Variants in VIPR2 observed in about 807,000 individuals in gnomAD.
VIPR2 encodes the protein vasoactive intestinal peptide receptor 2.
Under a neutral mutation model 58.0 loss-of-function variants are expected in VIPR2, and 48 were observed. That is an observed-to-expected ratio of 0.83 (90% CI 0.66 to 1.05). VIPR2 has a LOEUF of 1.05. Ranked by LOEUF, VIPR2 falls within the 50% of genes least tolerant of loss-of-function variation. The probability of loss-of-function intolerance (pLI) is 0.00; values close to 1 mark genes in which losing one functional copy is unlikely to be tolerated. For synonymous variants in VIPR2, 243 were observed against 235.2 expected (o/e 1.03, Z -0.30); for missense variants, 534 against 558.0 (o/e 0.96, Z 0.43).
chr7:159,142,096 A>T lies in VIPR2; in HGVS notation c.151+350T>A, dbSNP rs138655797. The stretch of plus-strand genomic sequence containing the variant: ...TCATCTGTCCTATAGCTAAGAATTT[A>T]AAATGCAAGAATTCAGATAAATGCT... On this transcript the variant is annotated intron_variant, in intron 2 of 12. Coordinates refer to ENST00000262178, the MANE Select transcript of VIPR2 (RefSeq NM_003382.5). Among the ~76,000 whole-genome samples, 1,315 of 152,364 alleles carry T rather than the reference A, an allele frequency of 8.6e-3. 22 individuals carry two copies. Among genetic ancestry groups the T allele is most frequent in the African/African-American group, 0.03 (1,242 of 41,578 alleles).
chr7:159,041,237 G>A (rs1854308955), intron 6 of VIPR2, among the ~76,000 whole-genome samples: 1 of 152,328 alleles, frequency 6.6e-6, no homozygotes, highest in Non-Finnish European at 1.5e-5. Flanking sequence ...AGGCCCTCCC[G>A]GTGGGGCAGC....
Position 159,143,612 on chromosome 7 carries a change from A to G in VIPR2, c.52-1067T>C, listed in dbSNP as rs140315670. On this transcript the variant is annotated intron_variant, in intron 1 of 12. Coordinates refer to ENST00000262178, the MANE Select transcript of VIPR2 (RefSeq NM_003382.5). Reference sequence around the variant, plus strand: ...GCTTCTTGCTCGTGACTGAACCAGCACCAGGCACTGACTTTGGGCTCCAAG... The same window carrying G: ...GCTTCTTGCTCGTGACTGAACCAGCGCCAGGCACTGACTTTGGGCTCCAAG... Among the ~76,000 whole-genome samples, 1,299 of 152,326 alleles carry G rather than the reference A, an allele frequency of 8.5e-3. 20 individuals carry two copies. The highest frequency in any genetic ancestry group is 0.03 in the African/African-American group (1,233 of 41,576).
In VIPR2 at chr7:159,031,855, G is replaced by C; in HGVS notation, c.1116C>G (p.Ala372=). Residue 372 remains alanine (A), a synonymous_variant, in exon 12 of 13, where the codon GCC becomes GCG. Transcript: ENST00000262178. The surrounding 1 kb of genome is among the most constrained non-coding windows in gnomAD (Gnocchi z 4.0). ...CACTGTTCAGGAAACAGTAGAGGAC[G>C]GCCACCACCAGGCCCTGCAATGAGA... ...CLGSFQGLVV[A]VLYCFLNSEV... The C allele has an allele frequency of 6.2e-7, 1 of 1,614,036 alleles. No homozygotes were observed. The highest frequency in any genetic ancestry group is 8.5e-7 in the Non-Finnish European group (1 of 1,180,026).
chr7:159,144,657 C>G, intron 1 of VIPR2, 64 bp downstream of exon 1: 1 of 1,374,360 alleles, frequency 7.3e-7, no homozygotes. Context: ...GGGAGGAGCG[C>G]TCTTCTCGGA....
chr7:159,057,035 C>T (rs752238273), intron 5 of VIPR2, among the ~76,000 whole-genome samples: 7 of 152,062 alleles, frequency 4.6e-5, no homozygotes, highest in East Asian at 1.9e-4. Flanking sequence ...TGTTCATAGG[C>T]GGGATAATTC....
chr7:159,044,468 A>C (rs1009618304), intron 5 of VIPR2, among the ~76,000 whole-genome samples: 3 of 152,126 alleles, frequency 2.0e-5, no homozygotes, highest in African/African-American at 7.2e-5. Context: ...TACAGGAAAA[A>C]TAAAATGAAT....
intron 4 of VIPR2, among the ~76,000 whole-genome samples, chr7:159,092,371 G>C (rs547471228): frequency 7.7e-4 from 117 of 152,286 alleles, no homozygotes; most frequent in African/African-American, 2.6e-3. Flanking sequence ...TCAGGAGGAG[G>C]GGACAGCGAC....
intron 4 of VIPR2, among the ~76,000 whole-genome samples, chr7:159,063,536 G>T (rs1384392458): frequency 3.9e-5 from 6 of 151,986 alleles, no homozygotes; most frequent in Non-Finnish European, 7.4e-5. Context: ...TGCAAGCTGA[G>T]GGAGCCGGCT....
intron 4 of VIPR2, among the ~76,000 whole-genome samples, chr7:159,064,935 C>A (rs1019867274): frequency 9.2e-5 from 14 of 152,176 alleles, no homozygotes; most frequent in African/African-American, 2.7e-4. Context: ...ATGTTCCCCA[C>A]GTAGACTCTG....
Position 159,097,035 on chromosome 7 carries a change from T to G in VIPR2, c.357+6722A>C, listed in dbSNP as rs755935733. On this transcript the variant is annotated intron_variant, in intron 4 of 12. Coordinates refer to ENST00000262178, the MANE Select transcript of VIPR2 (RefSeq NM_003382.5). The surrounding 1 kb of genome is among the most constrained non-coding windows in gnomAD (Gnocchi z 5.3). Reference sequence around the variant, plus strand: ...TCAGAGGTGATTTGGGGCAGGCCGCTCTGGGGGTCTCTGGCAGGCTCCTCC... The same window carrying G: ...TCAGAGGTGATTTGGGGCAGGCCGCGCTGGGGGTCTCTGGCAGGCTCCTCC... 6.5e-7 allele frequency: 1 copy of G among 1,549,544 alleles called. No individual in the cohort carries two copies. Among genetic ancestry groups the G allele is most frequent in the Non-Finnish European group, 8.7e-7 (1 of 1,146,300 alleles).
At chr7:159,130,706 C>T (rs181811836) in intron 2 of VIPR2, among the ~76,000 whole-genome samples, 3 of 152,320 alleles carry the variant, frequency 2.0e-5, no homozygotes, top group Admixed American at 6.5e-5. Flanking sequence ...ATGGCGTGGC[C>T]GGCATCACGT....
At chr7:159,067,266 G>C (rs578143027) in intron 4 of VIPR2, among the ~76,000 whole-genome samples, 2 of 152,200 alleles carry the variant, frequency 1.3e-5, no homozygotes, top group East Asian at 1.9e-4. Context: ...CTCACATAAA[G>C]GGCAGCCAAA....
chr7:159,043,227 G>A (rs1443953968), intron 5 of VIPR2, 51 bp from the exon 6 acceptor site: 11 of 1,447,850 alleles, frequency 7.6e-6, no homozygotes, highest in African/African-American at 1.4e-5. Context: ...AGGGGAGGGA[G>A]GGAGAGAGAA....
chr7:159,103,027 C>T (rs56080006), intron 4 of VIPR2, among the ~76,000 whole-genome samples: 3,008 of 152,308 alleles, frequency 0.02, 98 homozygotes, highest in African/African-American at 0.065. Flanking sequence ...AGTGAGCCCT[C>T]AGGAGAAGCA....
intron 4 of VIPR2, among the ~76,000 whole-genome samples, chr7:159,102,961 C>T (rs1330263249): frequency 6.6e-6 from 1 of 152,218 alleles, no homozygotes; most frequent in Non-Finnish European, 1.5e-5. Context: ...GCTGCCAGGG[C>T]TGCCGGCAAG....
Position 159,039,612 on chromosome 7 carries a change from C to T in VIPR2, c.598-2710G>A, listed in dbSNP as rs554760573. On this transcript the variant is annotated intron_variant, in intron 6 of 12. Transcript: ENST00000262178. Reference sequence around the variant, plus strand: ...GAGGGTGTTAGTGGGTGGCGCTTTGCGATGGGATTAGTGCCCCTGTAAAGG... The same window carrying T: ...GAGGGTGTTAGTGGGTGGCGCTTTGTGATGGGATTAGTGCCCCTGTAAAGG... Among the ~76,000 whole-genome samples, 9 of 152,356 alleles carry T rather than the reference C, an allele frequency of 5.9e-5. No individual in the cohort carries two copies. In the South Asian group the frequency reaches 8.3e-4, roughly 14 times the overall value.
At chr7:159,113,464 T>C (rs1259678115) in intron 2 of VIPR2, among the ~76,000 whole-genome samples, 3 of 152,020 alleles carry the variant, frequency 2.0e-5, no homozygotes, top group Non-Finnish European at 2.9e-5. Context: ...CTGCCAATGC[T>C]TCCAGCTGAT....
chr7:159,097,127 GC>G lies in VIPR2; in HGVS notation c.357+6629del, dbSNP rs1363711250. On this transcript the variant is annotated intron_variant, in intron 4 of 12. Transcript: ENST00000262178. The surrounding 1 kb of genome is among the most constrained non-coding windows in gnomAD (Gnocchi z 5.3). ...AGGGTTGGCGGGATGATCAGATGGTGCCTCCCACAAAGGCATCTGCAGTGCC... is the reference window on the plus strand; with the variant it reads ...AGGGTTGGCGGGATGATCAGATGGTGCTCCCACAAAGGCATCTGCAGTGCC... 6.8e-7 allele frequency: 1 copy of G among 1,478,890 alleles called. No homozygotes were observed. The highest frequency in any genetic ancestry group is 2.3e-5 in the Admixed American group (1 of 43,750). The allele number at this position is 1,478,890 out of a possible 1,614,324, so 91.6% of individuals were successfully genotyped here.
intron 2 of VIPR2, among the ~76,000 whole-genome samples, chr7:159,134,843 G>C (rs1376547368): frequency 6.6e-6 from 1 of 151,698 alleles, no homozygotes; most frequent in African/African-American, 2.4e-5. Flanking sequence ...ATATTTAGTA[G>C]AGACGGGGTC....
Sources: gnomAD v4.1 joint callset for allele counts (sites outside exome capture counted in the v4.1 genomes callset) on GRCh38, gnomAD v4.1.1 for gene constraint, Gnocchi (gnomAD v3.1) non-coding constraint, MANE v1.5 for transcripts, NCBI Gene and HGNC (gene_info 2026-07-23, HGNC 2026-07-21) for gene names.